The following ADAMTS8 variants were observed in gnomAD, a reference collection of about 807,000 sequenced individuals.
ADAMTS8 encodes the protein ADAM metallopeptidase with thrombospondin type 1 motif 8.
ADAMTS8 carries 50 observed loss-of-function variants against 64.4 expected under a neutral mutation model. The observed-to-expected ratio is 0.78, with a 90% CI of 0.62 to 0.98. The LOEUF is 0.98. Ranked by LOEUF, ADAMTS8 falls within the 50% of genes least tolerant of loss-of-function variation. The pLI is 0.00. For synonymous variants in ADAMTS8, 556 were observed against 533.6 expected (o/e 1.04, Z -0.58); for missense variants, 1,192 against 1,208.2 (o/e 0.99, Z 0.20).
chr11:130,408,461 C>T lies in ADAMTS8; in HGVS notation c.2099+3G>A, dbSNP rs766447129. The T allele has an allele frequency of 5.6e-6, 9 of 1,613,320 alleles. No individual in the cohort carries two copies. The South Asian group carries it at 8.8e-5, about 16-fold the overall frequency. ...AAGGTACAGAACTTCTGGGGAGACT[C>T]ACTTGGTGGGGGTGAGGGACCCGGA... On this transcript the variant is annotated splice_donor_region_variant and intron_variant, in intron 8 of 8. Coordinates refer to ENST00000257359, the MANE Select transcript of ADAMTS8 (RefSeq NM_007037.6).
In ADAMTS8 at chr11:130,411,809, C is replaced by G; in HGVS notation, c.1567-209G>C. On this transcript the variant is annotated intron_variant, in intron 5 of 8. Coordinates refer to ENST00000257359, the MANE Select transcript of ADAMTS8 (RefSeq NM_007037.6). The surrounding 1 kb of genome is among the most constrained non-coding windows in gnomAD (Gnocchi z 4.2). ...GAGACCAGGCTGGACTCATTCACTA[C>G]TGACTCCTCAGTGTCTAAAACAGTG... 1 of 597,468 alleles carries G rather than the reference C, an allele frequency of 1.7e-6. No homozygotes were observed. The highest frequency in any genetic ancestry group is 2.9e-6 in the Non-Finnish European group (1 of 338,992). The allele number at this position is 597,468 out of a possible 1,614,324, so 37.0% of individuals were successfully genotyped here.
chr11:130,415,764 T>C lies in ADAMTS8; in HGVS notation c.1264+399A>G, dbSNP rs553149916. ...TCTGGGACCACAGGTGTGCACCCCA[T>C]GCCTGGCTCCAGTCCTTTGAACCAG... On this transcript the variant is annotated intron_variant, in intron 4 of 8. Transcript: ENST00000257359. Among the ~76,000 whole-genome samples, 203 of 152,190 alleles carry C rather than the reference T, an allele frequency of 1.3e-3. 1 individual carries two copies. The Middle Eastern group carries it at 0.024, about 18-fold the overall frequency.
At chr11:130,417,875 A>G (rs1862047591) in intron 2 of ADAMTS8, among the ~76,000 whole-genome samples, 1 of 152,008 alleles carries the variant, frequency 6.6e-6, no homozygotes, top group African/African-American at 2.4e-5. Flanking sequence ...AACCTGTGAA[A>G]TTTCCTTTTG....
Position 130,416,348 on chromosome 11 carries a change from G to T in ADAMTS8, c.1097-18C>A, listed in dbSNP as rs1862024919. 5 of 1,545,634 alleles carry T rather than the reference G, an allele frequency of 3.2e-6. No homozygotes were observed. Among genetic ancestry groups the T allele is most frequent in the Non-Finnish European group, 4.4e-6 (5 of 1,145,146 alleles). On this transcript the variant is annotated intron_variant, in intron 3 of 8. Transcript: ENST00000257359. The surrounding 1 kb of genome is among the most constrained non-coding windows in gnomAD (Gnocchi z 4.8). ...GACGTGCCCTGGGGAGAGAGGCCTG[G>T]TCCACTCCGCCCTGTCCTGCCTGAG...
chr11:130,419,190 C>T lies in ADAMTS8; in HGVS notation c.823G>A (p.Asp275Asn). 1 of 1,614,222 alleles carries T rather than the reference C, an allele frequency of 6.2e-7. No individual in the cohort carries two copies. Among genetic ancestry groups the T allele is most frequent in the African/African-American group, 1.3e-5 (1 of 75,062 alleles). ...GACACCTCTGGGCCCCATTTTTCAT[C>T]TTCTACGATCAGCACTTTTACCACC... ...LMVVKVLIVE[D>N]EKWGPEVSDN... Residue 275 changes from aspartate to asparagine, a missense_variant, in exon 2 of 9, where the codon GAT becomes AAT. Transcript: ENST00000257359.
chr11:130,411,764 TG>T lies in ADAMTS8; in HGVS notation c.1567-165del. 1.7e-6 allele frequency: 1 copy of T among 576,562 alleles called. No homozygotes were observed. The highest frequency in any genetic ancestry group is 2.7e-6 in the Non-Finnish European group (1 of 369,816). The allele number at this position is 576,562 out of a possible 1,614,324, so 35.7% of individuals were successfully genotyped here. A position where few individuals can be genotyped will look rare whatever the true frequency, so the allele number is the denominator to read the frequency against. ...TCATTTGTTTAATGACTGTGTGGCC[TG>T]CATGGCTTTGTGAGCACAGAGACCA... On this transcript the variant is annotated intron_variant, in intron 5 of 8. Transcript: ENST00000257359. This position sits in a 1 kb window ranked among gnomAD's most constrained non-coding sequence, Gnocchi z 4.2.
chr11:130,416,850 C>T lies in ADAMTS8; in HGVS notation c.1096+90G>A, dbSNP rs141507758. 2.0e-5 allele frequency: 31 copies of T among 1,571,048 alleles called. No homozygotes were observed. The highest frequency in any genetic ancestry group is 5.5e-5 in the African/African-American group (4 of 73,136). ...GGAGGAGCTATTCCTAAGCAAGGGC[C>T]GCATATTCCTTAGGATCTACGCAAC... On this transcript the variant is annotated intron_variant, in intron 3 of 8. Coordinates refer to ENST00000257359, the MANE Select transcript of ADAMTS8 (RefSeq NM_007037.6). This position sits in a 1 kb window ranked among gnomAD's most constrained non-coding sequence, Gnocchi z 4.8.
Position 130,419,042 on chromosome 11 carries a change from C to T in ADAMTS8, c.960+11G>A. The T allele has an allele frequency of 6.2e-7, 1 of 1,613,836 alleles. No homozygotes were observed. Among genetic ancestry groups the T allele is most frequent in the Non-Finnish European group, 8.5e-7 (1 of 1,179,886 alleles). ...CCTTCCTCCCCAGGGCTTCCGGAGC[C>T]AGGCACGGACCTGTCTGGTGAGCAG... On this transcript the variant is annotated intron_variant, in intron 2 of 8. Transcript: ENST00000257359.
At chr11:130,407,697 AG>A (rs1300272840) in intron 8 of ADAMTS8, among the ~76,000 whole-genome samples, 1 of 152,196 alleles carries the variant, frequency 6.6e-6, no homozygotes, top group Non-Finnish European at 1.5e-5. Context: ...CTTACTCTGC[AG>A]GAAGTACATG....
At chr11:130,408,696 C>CCG (rs1555072709) in intron 7 of ADAMTS8, 57 bp from the exon 8 acceptor site, 3 of 1,610,728 alleles carry the variant, frequency 1.9e-6, no homozygotes, top group Non-Finnish European at 2.5e-6. Flanking sequence ...AGCAGCCTGC[C>CCG]GGGGGGCGGG....
Position 130,427,863 on chromosome 11 carries a change from C to A in ADAMTS8, c.424G>T (p.Gly142Cys). The change falls in exon 1 of 9, where the codon GGC becomes TGC. Residue 142 changes from glycine to cysteine, a missense_variant. By Grantham distance (159) the Gly-to-Cys change is radical. Transcript: ENST00000257359. ...AGGCGGTGCGGCTGAGCCAGGGAGC[C>A]CCCCGCGCCCTGCGGCTGGATGGTG... ...EFTIQPQGAGGSLAQPHRLQR... is the reference protein window; with the variant it reads ...EFTIQPQGAGCSLAQPHRLQR... 5 of 1,536,428 alleles carry A rather than the reference C, an allele frequency of 3.3e-6. No homozygotes were observed. Among genetic ancestry groups the A allele is most frequent in the South Asian group, 1.2e-5 (1 of 83,934 alleles).
chr11:130,428,013 CG>C lies in ADAMTS8; in HGVS notation c.273del (p.Gly93AlafsTer14). 6.6e-7 allele frequency: 1 copy of C among 1,525,848 alleles called. No homozygotes were observed. The highest frequency in any genetic ancestry group is 8.7e-7 in the Non-Finnish European group (1 of 1,143,036). The allele number at this position is 1,525,848 out of a possible 1,614,324, so 94.5% of individuals were successfully genotyped here. A position where few individuals can be genotyped will look rare whatever the true frequency, so the allele number is the denominator to read the frequency against. ...IERLGGSGRATGGERGLRGCF... is the reference protein window; with the variant it reads ...IERLGGSGRAXGGERGLRGCF... ...CAGCCGCGCAGCCCCCGCTCGCCCCCGGTCGCCCGGCCGGAGCCCCCGAGGC... is the reference window on the plus strand; with the variant it reads ...CAGCCGCGCAGCCCCCGCTCGCCCCCGTCGCCCGGCCGGAGCCCCCGAGGC... On this transcript the variant is annotated frameshift_variant, in exon 1 of 9. Coordinates refer to ENST00000257359, the MANE Select transcript of ADAMTS8 (RefSeq NM_007037.6). LOFTEE classifies it high-confidence loss of function.
intron 1 of ADAMTS8, among the ~76,000 whole-genome samples, chr11:130,421,874 G>C (rs1036779041): frequency 1.3e-5 from 2 of 152,148 alleles, no homozygotes; most frequent in African/African-American, 2.4e-5. Context: ...ACCTGGTGCC[G>C]ATTTACACCT....
Position 130,405,518 on chromosome 11 carries a change from G to A in ADAMTS8, c.*40C>T, listed in dbSNP as rs369866023. ...AGACCCTTGTCTGCACCTCAGTACC[G>A]CATGTCCAGGAGCACAAGACTGGCC... On this transcript the variant is annotated 3_prime_UTR_variant, in exon 9 of 9. Coordinates refer to ENST00000257359, the MANE Select transcript of ADAMTS8 (RefSeq NM_007037.6). The A allele has an allele frequency of 1.4e-5, 22 of 1,551,480 alleles. No homozygotes were observed. Among genetic ancestry groups the A allele is most frequent in the South Asian group, 2.5e-5 (2 of 80,718 alleles).
chr11:130,422,416 G>A (rs545838200), intron 1 of ADAMTS8, among the ~76,000 whole-genome samples: 1 of 152,224 alleles, frequency 6.6e-6, no homozygotes, highest in East Asian at 1.9e-4. Flanking sequence ...GGGACGGGCC[G>A]GCCTCCTCCC....
chr11:130,427,865 C>A lies in ADAMTS8; in HGVS notation c.422G>T (p.Gly141Val). The change falls in exon 1 of 9, where the codon GGG becomes GTG. Residue 141 changes from glycine to valine, a missense_variant. Physicochemically the swap from Gly to Val is moderately radical, Grantham distance 109. This residue lies in a region of ADAMTS8 where 741 missense variants were observed against 710.6 expected (regional missense o/e 1.04). Transcript: ENST00000257359. ...EEFTIQPQGA[G>V]GSLAQPHRLQ... ...GCGGTGCGGCTGAGCCAGGGAGCCCCCCGCGCCCTGCGGCTGGATGGTGAA... is the reference window on the plus strand; with the variant it reads ...GCGGTGCGGCTGAGCCAGGGAGCCCACCGCGCCCTGCGGCTGGATGGTGAA... The A allele has an allele frequency of 6.5e-7, 1 of 1,536,270 alleles. No individual in the cohort carries two copies. Among genetic ancestry groups the A allele is most frequent in the Non-Finnish European group, 8.7e-7 (1 of 1,145,928 alleles).
At chr11:130,409,145 C>G (rs148316939) in intron 6 of ADAMTS8, among the ~76,000 whole-genome samples, 1,601 of 152,296 alleles carry the variant, frequency 0.011, 12 homozygotes, top group South Asian at 0.017. Flanking sequence ...GAGCCTCCAG[C>G]CGCATGCTGG....
rs936548905 is a variant in ADAMTS8 at position 130,427,864 on chromosome 11, C to T, written c.423G>A (p.Gly141=). 6.5e-7 allele frequency: 1 copy of T among 1,536,488 alleles called. No individual in the cohort carries two copies. Among genetic ancestry groups the T allele is most frequent in the Non-Finnish European group, 8.7e-7 (1 of 1,145,990 alleles). The change falls in exon 1 of 9, where the codon GGG becomes GGA. Residue 141 remains glycine (G), a synonymous_variant. Transcript: ENST00000257359. ...EEFTIQPQGA[G]GSLAQPHRLQ... is the part of the protein sequence containing the mutation. ...GGCGGTGCGGCTGAGCCAGGGAGCC[C>T]CCCGCGCCCTGCGGCTGGATGGTGA...
Position 130,405,553 on chromosome 11 carries a change from C to A in ADAMTS8, c.*5G>T, listed in dbSNP as rs768081291. The A allele has an allele frequency of 1.4e-5, 22 of 1,590,360 alleles. No individual in the cohort carries two copies. The highest frequency in any genetic ancestry group is 1.8e-5 in the Non-Finnish European group (21 of 1,166,092). ...GAGCACAAGACTGGCCCCTGCCCCC[C>A]TGAATCACAGGGGGCACAGCTGGCT... is the stretch of plus-strand genomic sequence containing the variant. On this transcript the variant is annotated 3_prime_UTR_variant, in exon 9 of 9. Transcript: ENST00000257359.
Sources: gnomAD v4.1 joint callset for allele counts (sites outside exome capture counted in the v4.1 genomes callset) on GRCh38, gnomAD v4.1.1 for gene constraint, gnomAD v4.1.1 regional missense constraint, Gnocchi (gnomAD v3.1) non-coding constraint, MANE v1.5 for transcripts, NCBI Gene and HGNC (gene_info 2026-07-23, HGNC 2026-07-21) for gene names.